Variants in PTPN22 observed in about 807,000 individuals in gnomAD.
PTPN22 encodes protein tyrosine phosphatase non-receptor type 22, also known as tyrosine-protein phosphatase non-receptor type 22.
A neutral mutation model predicts 103.3 loss-of-function variants in PTPN22; 85 were observed. The ratio of observed to expected loss-of-function variants is 0.82; its 90% CI spans 0.69 to 0.99. PTPN22 has a LOEUF of 0.99. Among genes scored for constraint, PTPN22 ranks in the 50% least tolerant of loss-of-function variants. The pLI, the probability that PTPN22 is intolerant of heterozygous loss-of-function variation, is 0.00. For synonymous variants in PTPN22, 323 were observed against 310.2 expected (o/e 1.04, Z -0.43); for missense variants, 865 against 936.9 (o/e 0.92, Z 1.00).
At chr1:113,837,955 A>C (rs1278089902) in exon 13 of PTPN22, 6 of 1,614,134 alleles carry the variant, frequency 3.7e-6, no homozygotes, top group Non-Finnish European at 5.1e-6. Flanking sequence ...CTGCATCTCT[A>C]CAAAACAAGA....
intron 1 of PTPN22, chr1:113,864,485 G>C: frequency 3.3e-6 from 1 of 300,524 alleles, no homozygotes; most frequent in Non-Finnish European, 6.5e-6. Context: ...TATTAGTCGG[G>C]CATGGTGGCT....
intron 1 of PTPN22, among the ~76,000 whole-genome samples, chr1:113,861,840 C>G (rs982777054): frequency 3.3e-5 from 5 of 152,092 alleles, no homozygotes; most frequent in Non-Finnish European, 7.4e-5. Flanking sequence ...AAAGAGGAAG[C>G]AGGGTCATGG....
At chr1:113,841,998 A>T (rs1422798520) in intron 11 of PTPN22, among the ~76,000 whole-genome samples, 1 of 152,074 alleles carries the variant, frequency 6.6e-6, no homozygotes, top group African/African-American at 2.4e-5. Flanking sequence ...TGAGGCCAGG[A>T]GTTCAAGACT....
Position 113,814,982 on chromosome 1 carries a change from A to G in PTPN22, c.2360-13T>C, listed in dbSNP as rs775225575. On this transcript the variant is annotated splice_polypyrimidine_tract_variant and intron_variant, in intron 20 of 20. Coordinates refer to ENST00000359785, the Ensembl canonical transcript of PTPN22. Reference sequence around the variant, plus strand: ...CGGTTTGCAAAACCTGGGAACAAAAATAAAGTTGAATGAAAAGAAAGATGT... The same window carrying G: ...CGGTTTGCAAAACCTGGGAACAAAAGTAAAGTTGAATGAAAAGAAAGATGT... 2.5e-6 allele frequency: 4 copies of G among 1,588,414 alleles called. No homozygotes were observed. The Admixed American group carries it at 5.2e-5, about 21-fold the overall frequency.
chr1:113,838,574 G>A, exon 12 of PTPN22: 1 of 1,613,756 alleles, frequency 6.2e-7, no homozygotes, highest in East Asian at 2.2e-5. Context: ...ATAAGAGTCT[G>A]CTTGGAGAGT....
intron 17 of PTPN22, 104 bp from the exon 18 acceptor site, chr1:113,829,811 G>T (rs947590267): frequency 1.7e-6 from 2 of 1,185,530 alleles, no homozygotes; most frequent in African/African-American, 3.1e-5. Flanking sequence ...GCATTATTTT[G>T]ACTATATATT....
chr1:113,840,424 G>A (rs140637715), intron 11 of PTPN22, among the ~76,000 whole-genome samples: 9 of 152,036 alleles, frequency 5.9e-5, no homozygotes, highest in African/African-American at 1.9e-4. Flanking sequence ...TAAGGAAACA[G>A]TTATATTTAT....
At chr1:113,833,236 T>A in intron 15 of PTPN22, 98 bp from the exon 16 acceptor site, 1 of 829,874 alleles carries the variant, frequency 1.2e-6, no homozygotes, top group Non-Finnish European at 1.8e-6. Flanking sequence ...ATATGTAATA[T>A]AGCTGTAGAG....
intron 20 of PTPN22, among the ~76,000 whole-genome samples, chr1:113,818,537 A>G (rs1661343219): frequency 6.6e-6 from 1 of 152,152 alleles, no homozygotes; most frequent in South Asian, 2.1e-4. Context: ...CAGATCCAGA[A>G]ATTTTAGTTA....
At chr1:113,867,427 T>C (rs1216785556) in intron 1 of PTPN22, among the ~76,000 whole-genome samples, 1 of 152,190 alleles carries the variant, frequency 6.6e-6, no homozygotes, top group African/African-American at 2.4e-5. Flanking sequence ...GTTTCCTCAT[T>C]TGTAAGTCAG....
intron 7 of PTPN22, among the ~76,000 whole-genome samples, chr1:113,856,173 C>G (rs1455220127): frequency 6.6e-6 from 1 of 152,110 alleles, no homozygotes. Context: ...CACCACCACG[C>G]CCAGCTAATT....
intron 18 of PTPN22, among the ~76,000 whole-genome samples, chr1:113,826,479 TC>T (rs1380060647): frequency 6.7e-6 from 1 of 148,176 alleles, no homozygotes. Flanking sequence ...AATTCCCACT[TC>T]CCTCCTTTAT....
intron 18 of PTPN22, 128 bp downstream of exon 18, chr1:113,829,464 G>C (rs555961354): frequency 1.7e-5 from 9 of 530,242 alleles, no homozygotes; most frequent in African/African-American, 5.8e-5. Flanking sequence ...AATTTTGACT[G>C]TTATAATATC....
rs1421103008 is a variant in PTPN22 at position 113,819,726 on chromosome 1, A to G, written c.2282-72T>C. ...CAGATGACTGTTGATCAGATCACAT[A>G]TAATTGTTAAGAGTAATTAATAATC... On this transcript the variant is annotated intron_variant, in intron 19 of 20. Coordinates refer to ENST00000359785, the Ensembl canonical transcript of PTPN22. 12 of 973,066 alleles carry G rather than the reference A, an allele frequency of 1.2e-5. No individual in the cohort carries two copies. The Admixed American group carries it at 2.6e-4, about 21-fold the overall frequency. The allele number at this position is 973,066 out of a possible 1,614,324, so 60.3% of individuals were successfully genotyped here. A position where few individuals can be genotyped will look rare whatever the true frequency, so the allele number is the denominator to read the frequency against.
chr1:113,827,511 G>T (rs565477876), intron 18 of PTPN22, among the ~76,000 whole-genome samples: 9 of 151,958 alleles, frequency 5.9e-5, no homozygotes, highest in African/African-American at 2.2e-4. Flanking sequence ...TTTTTTAGCT[G>T]CACAGTATTC....
intron 11 of PTPN22, among the ~76,000 whole-genome samples, chr1:113,847,432 C>T (rs1361686792): frequency 7.3e-5 from 11 of 150,668 alleles, no homozygotes; most frequent in Non-Finnish European, 4.4e-5. Context: ...ACATCTGTAT[C>T]ATCTCGGTGT....
chr1:113,819,634 G>A, exon 20 of PTPN22: 1 of 1,600,622 alleles, frequency 6.2e-7, no homozygotes, highest in African/African-American at 1.3e-5. Flanking sequence ...GGCTTGTTTG[G>A]TGGGCAAGAA....
intron 1 of PTPN22, among the ~76,000 whole-genome samples, chr1:113,864,665 C>G (rs1161713484): frequency 1.3e-5 from 2 of 150,266 alleles, no homozygotes; most frequent in Non-Finnish European, 3.0e-5. Context: ...CCTATAATCA[C>G]TTTGGGAGGC....
intron 20 of PTPN22, chr1:113,815,416 C>T (rs970797430): frequency 2.0e-5 from 3 of 152,260 alleles, no homozygotes; most frequent in Non-Finnish European, 4.4e-5. Context: ...TTCAATTTAC[C>T]AAGAGATTAT....
Sources: gnomAD v4.1 joint callset for allele counts (sites outside exome capture counted in the v4.1 genomes callset) on GRCh38, gnomAD v4.1.1 for gene constraint, MANE v1.5 for transcripts, NCBI Gene and HGNC (gene_info 2026-07-23, HGNC 2026-07-21) for gene names.